The following ASIC2 variants were observed in gnomAD, a reference collection of about 807,000 sequenced individuals.
ASIC2 encodes the protein acid-sensing ion channel 2.
Under a neutral mutation model 57.3 loss-of-function variants are expected in ASIC2, and 25 were observed. The ratio of observed to expected loss-of-function variants is 0.44; its 90% CI spans 0.32 to 0.61. The LOEUF is 0.61. Ranked by LOEUF, ASIC2 falls within the 20% of genes least tolerant of loss-of-function variation. ASIC2 has a pLI of 0.06. For missense variants in ASIC2, 641 were observed against 738.1 expected, an observed-to-expected ratio of 0.87 and a Z score of 1.52; for synonymous variants, 319 against 307.5, an observed-to-expected ratio of 1.04 and a Z score of -0.39.
At chr17:33,078,516 C>T (rs2092098842) in intron 3 of ASIC2, among the ~76,000 whole-genome samples, 1 of 152,224 alleles carries the variant, frequency 6.6e-6, no homozygotes, top group African/African-American at 2.4e-5. Flanking sequence ...ATCCTTCATT[C>T]CATCTAAGAA....
At chr17:33,353,969 GT>G (rs1218029772) in intron 1 of ASIC2, among the ~76,000 whole-genome samples, 2 of 152,202 alleles carry the variant, frequency 1.3e-5, no homozygotes. Context: ...TGGACTCACA[GT>G]TCCACATGGC....
chr17:33,354,914 C>T (rs1908319222), intron 1 of ASIC2, among the ~76,000 whole-genome samples: 1 of 152,186 alleles, frequency 6.6e-6, no homozygotes, highest in African/African-American at 2.4e-5. Flanking sequence ...AGAGCAGGCA[C>T]CCAGTACACA....
chr17:33,037,793 T>C (rs1322084159), intron 3 of ASIC2, among the ~76,000 whole-genome samples: 1 of 152,184 alleles, frequency 6.6e-6, no homozygotes, highest in East Asian at 1.9e-4. Context: ...TTGGATACAT[T>C]CTGGCTCAAC....
At chr17:33,223,634 G>C (rs975257979) in intron 1 of ASIC2, among the ~76,000 whole-genome samples, 1 of 152,218 alleles carries the variant, frequency 6.6e-6, no homozygotes, top group Non-Finnish European at 1.5e-5. Context: ...AATCTGACTG[G>C]CGCATTTAAA....
At chr17:34,116,889 G>C (rs553436167) in intron 1 of ASIC2, among the ~76,000 whole-genome samples, 1 of 151,942 alleles carries the variant, frequency 6.6e-6, no homozygotes, top group South Asian at 2.1e-4. Flanking sequence ...TGTGTGTGTG[G>C]GTGGGTGGGT....
At chr17:33,301,864 A>C (rs1905972448) in intron 1 of ASIC2, among the ~76,000 whole-genome samples, 1 of 152,136 alleles carries the variant, frequency 6.6e-6, no homozygotes, top group African/African-American at 2.4e-5. Flanking sequence ...ACATCCACTA[A>C]CAGGGAATCC....
intron 1 of ASIC2, among the ~76,000 whole-genome samples, chr17:33,799,497 ACTTT>A (rs201649999): frequency 0.062 from 5,437 of 88,304 alleles, 146 homozygotes; most frequent in Middle Eastern, 0.18. Context: ...TTTCTTTCTT[ACTTT>A]CTTTCTTTCT....
intron 1 of ASIC2, among the ~76,000 whole-genome samples, chr17:34,135,593 T>A: frequency 6.6e-6 from 1 of 152,146 alleles, no homozygotes; most frequent in Middle Eastern, 3.2e-3. Context: ...GCAGCCAAGG[T>A]TGAGAATCAT....
At chr17:33,544,357 A>G (rs1484461115) in intron 1 of ASIC2, among the ~76,000 whole-genome samples, 1 of 152,214 alleles carries the variant, frequency 6.6e-6, no homozygotes, top group Non-Finnish European at 1.5e-5. Flanking sequence ...ACATTTGTGT[A>G]CAAGTCTTTG....
At chr17:33,269,670 C>CCTTCCTTCCTTCCTTT (rs1904383567) in intron 1 of ASIC2, among the ~76,000 whole-genome samples, 1 of 72,176 alleles carries the variant, frequency 1.4e-5, no homozygotes, top group Non-Finnish European at 3.1e-5. Context: ...TTCCTTCCTT[C>CCTTCCTTCCTTCCTTT]CTTCCCTCCC....
chr17:34,059,655 G>A (rs1017158322), intron 1 of ASIC2, among the ~76,000 whole-genome samples: 1 of 152,156 alleles, frequency 6.6e-6, no homozygotes, highest in African/African-American at 2.4e-5. Flanking sequence ...TGTGGGAGGG[G>A]CACGGTGAGA....
intron 1 of ASIC2, among the ~76,000 whole-genome samples, chr17:34,032,286 A>G (rs1272748347): frequency 1.3e-5 from 2 of 152,208 alleles, no homozygotes; most frequent in Admixed American, 6.5e-5. Flanking sequence ...AAGGAGAAAT[A>G]AAATACTTTA....
At chr17:34,053,502 C>T (rs75520922) in intron 1 of ASIC2, among the ~76,000 whole-genome samples, 1 of 152,284 alleles carries the variant, frequency 6.6e-6, no homozygotes, top group Non-Finnish European at 1.5e-5. Flanking sequence ...GGCAACATCC[C>T]ACAGTATTAA....
chr17:33,503,939 T>C (rs76535648), intron 1 of ASIC2, among the ~76,000 whole-genome samples: 4 of 152,266 alleles, frequency 2.6e-5, no homozygotes, highest in East Asian at 1.9e-4. Context: ...GAAGGACACA[T>C]TGCAGACACA....
chr17:33,433,813 A>G (rs1006941587), intron 1 of ASIC2, among the ~76,000 whole-genome samples: 3 of 152,104 alleles, frequency 2.0e-5, no homozygotes, highest in African/African-American at 7.2e-5. Flanking sequence ...TCTGTACAAA[A>G]AATCTCCATG....
At chr17:33,717,562 C>G (rs1236375526) in intron 1 of ASIC2, among the ~76,000 whole-genome samples, 2 of 152,192 alleles carry the variant, frequency 1.3e-5, no homozygotes, top group South Asian at 2.1e-4. Context: ...CCGGTCCAGG[C>G]TGGAGCTGGG....
chr17:33,498,362 C>A (rs1458904987), intron 1 of ASIC2, among the ~76,000 whole-genome samples: 1 of 152,212 alleles, frequency 6.6e-6, no homozygotes, highest in Admixed American at 6.5e-5. Context: ...GACAGGGAGT[C>A]AGGCAGTGTG....
At chr17:33,828,871 A>G (rs1410867622) in intron 1 of ASIC2, among the ~76,000 whole-genome samples, 2 of 152,230 alleles carry the variant, frequency 1.3e-5, no homozygotes, top group Non-Finnish European at 2.9e-5. Context: ...ATTGGCTGCT[A>G]AAAGAAAGGA....
chr17:33,927,167 G>A (rs1247352377), intron 1 of ASIC2, among the ~76,000 whole-genome samples: 2 of 152,106 alleles, frequency 1.3e-5, no homozygotes, highest in South Asian at 2.1e-4. Context: ...GGCTTCAAGC[G>A]ATCCTCCCAC....
Sources: allele counts gnomAD v4.1 joint callset (sites outside exome capture counted in the v4.1 genomes callset), GRCh38; gene constraint gnomAD v4.1.1; transcripts MANE v1.5; gene names NCBI Gene and HGNC (gene_info 2026-07-23, HGNC 2026-07-21).